The following ATP6V1A variants were observed in gnomAD, a reference collection of about 807,000 sequenced individuals.
ATP6V1A encodes the protein V-type proton ATPase catalytic subunit A.
In ATP6V1A, 18 loss-of-function variants were observed where a neutral mutation model predicts 70.1. The observed-to-expected ratio is 0.26, with a 90% CI of 0.18 to 0.38. ATP6V1A has a LOEUF of 0.38. ATP6V1A is among the 10% of genes least tolerant of loss of function. The probability of loss-of-function intolerance (pLI) is 1.00; values close to 1 mark genes in which losing one functional copy is unlikely to be tolerated. For synonymous variants in ATP6V1A, 232 were observed against 253.8 expected, an observed-to-expected ratio of 0.91 and a Z score of 0.82; for missense variants, 424 against 772.4, an observed-to-expected ratio of 0.55 and a Z score of 5.35.
chr3:113,775,485 C>T (rs187516166), intron 1 of ATP6V1A, among the ~76,000 whole-genome samples: 7 of 152,008 alleles, frequency 4.6e-5, no homozygotes, highest in African/African-American at 7.3e-5. Flanking sequence ...CCACCTCGGC[C>T]CCCCCAAGTG....
rs749842334 is a variant in ATP6V1A at position 113,798,318 on chromosome 3, A to G, written c.1366A>G (p.Lys456Glu). Residue 456 changes from lysine (K) to glutamate (E), a missense_variant, in exon 12 of 15, where the codon AAG becomes GAG. Physicochemically the swap from Lys to Glu is moderately conservative, Grantham distance 56 (BLOSUM62 1). Coordinates refer to ENST00000273398, the MANE Select transcript of ATP6V1A (RefSeq NM_001690.4). ...TGTCAATTGGCTCATCAGCTACAGC[A>G]AGTATATGCGTGCCTTGGATGAATA... ...PSVNWLISYSKYMRALDEYYD... is the reference protein window; with the variant it reads ...PSVNWLISYSEYMRALDEYYD... 1 of 1,614,044 alleles carries G rather than the reference A, an allele frequency of 6.2e-7. No homozygotes were observed. The highest frequency in any genetic ancestry group is 2.2e-5 in the East Asian group (1 of 44,876).
chr3:113,747,926 A>T (rs1228758576), intron 1 of ATP6V1A, among the ~76,000 whole-genome samples: 1 of 152,160 alleles, frequency 6.6e-6, no homozygotes, highest in Non-Finnish European at 1.5e-5. Context: ...ATTGGGTTGG[A>T]AATAGTTAAA....
chr3:113,803,975 C>A lies in ATP6V1A; in HGVS notation c.1589+298C>A, dbSNP rs142982661. On this transcript the variant is annotated intron_variant, in intron 13 of 14. Coordinates refer to ENST00000273398, the MANE Select transcript of ATP6V1A (RefSeq NM_001690.4). ...CTTCAGAAGCCTTCTTCATTTCTTTCCACTGCCCATGTCTCCTTTACTCTC... is the reference window on the plus strand; with the variant it reads ...CTTCAGAAGCCTTCTTCATTTCTTTACACTGCCCATGTCTCCTTTACTCTC... 1.8e-3 allele frequency among the ~76,000 whole-genome samples: 268 copies of A among 152,206 alleles called. 1 individual carries two copies. The highest frequency in any genetic ancestry group is 6.3e-3 in the African/African-American group (263 of 41,538).
In ATP6V1A at chr3:113,788,595, T is replaced by C. The variant is rs540992187; in HGVS notation, c.717-118T>C. 5 of 858,694 alleles carry C rather than the reference T, an allele frequency of 5.8e-6. No individual in the cohort carries two copies. The African/African-American group carries it at 8.7e-5, about 15-fold the overall frequency. 53.2% of individuals were successfully genotyped at this position (858,694 alleles called of 1,614,324 possible). A position where few individuals can be genotyped will look rare whatever the true frequency, so the allele number is the denominator to read the frequency against. Reference sequence around the variant, plus strand: ...TCCTCACTTCAGATGATCCACCCGCTTCGGCCCCCACAAGTGCTGCTGGGA... The same window carrying C: ...TCCTCACTTCAGATGATCCACCCGCCTCGGCCCCCACAAGTGCTGCTGGGA... On this transcript the variant is annotated intron_variant, in intron 6 of 14. Coordinates refer to ENST00000273398, the MANE Select transcript of ATP6V1A (RefSeq NM_001690.4).
At chr3:113,795,854 A>T in intron 10 of ATP6V1A, 22 bp from the exon 11 acceptor site, 3 of 1,586,194 alleles carry the variant, frequency 1.9e-6, no homozygotes, top group African/African-American at 1.4e-5. Flanking sequence ...TTTTGTAATG[A>T]CCATATTTTT....
chr3:113,754,250 A>G (rs1708622433), intron 1 of ATP6V1A, among the ~76,000 whole-genome samples: 1 of 152,202 alleles, frequency 6.6e-6, no homozygotes, highest in Non-Finnish European at 1.5e-5. Flanking sequence ...CAGGCTGGGC[A>G]TGGTGGCTCA....
chr3:113,780,050 A>G lies in ATP6V1A; in HGVS notation c.83-1000A>G, dbSNP rs183080607. Among the ~76,000 whole-genome samples the G allele has an allele frequency of 2.9e-4, 44 of 152,242 alleles. No homozygotes were observed. The East Asian group carries it at 5.0e-3, about 17-fold the overall frequency. On this transcript the variant is annotated intron_variant, in intron 2 of 14. Transcript: ENST00000273398. ...CTCCTGCAATTTTTAATTCTTAAGT[A>G]CTTAATAAGGTAATGGAACAATGGC... is the stretch of plus-strand genomic sequence containing the variant.
intron 1 of ATP6V1A, among the ~76,000 whole-genome samples, chr3:113,755,367 GC>G (rs915909403): frequency 2.7e-5 from 4 of 150,904 alleles, no homozygotes; most frequent in Non-Finnish European, 5.9e-5. Context: ...ACTTTGGGAG[GC>G]CGATGCAGGC....
chr3:113,778,500 G>A (rs183961106), intron 1 of ATP6V1A, among the ~76,000 whole-genome samples: 4 of 152,292 alleles, frequency 2.6e-5, no homozygotes, highest in South Asian at 2.1e-4. Flanking sequence ...TAGAGTCCAG[G>A]AGTCTGAGGC....
At chr3:113,788,343 A>AT (rs1191671250) in intron 6 of ATP6V1A, among the ~76,000 whole-genome samples, 1 of 146,446 alleles carries the variant, frequency 6.8e-6, no homozygotes, top group East Asian at 2.0e-4. Flanking sequence ...ATTTATTTTT[A>AT]TTTTTTTTGA....
At chr3:113,750,502 CA>C (rs1247843460) in intron 1 of ATP6V1A, among the ~76,000 whole-genome samples, 1 of 151,558 alleles carries the variant, frequency 6.6e-6, no homozygotes, top group Non-Finnish European at 1.5e-5. Context: ...AAAACAAAAA[CA>C]AAAAAAACTA....
At position 113,786,328 on chromosome 3, in the gene ATP6V1A, C is replaced by T. The variant is rs751512215; in HGVS notation, c.661C>T (p.Leu221=). 1 of 1,613,770 alleles carries T rather than the reference C, an allele frequency of 6.2e-7. No individual in the cohort carries two copies. The highest frequency in any genetic ancestry group is 8.5e-7 in the Non-Finnish European group (1 of 1,179,796). Reference sequence around the variant, plus strand: ...TCAAGTTCGACCTGTCACTGAGAAGCTGCCAGCCAATCATCCTCTGTTGAC... The same window carrying T: ...TCAAGTTCGACCTGTCACTGAGAAGTTGCCAGCCAATCATCCTCTGTTGAC... ...VRQVRPVTEK[L]PANHPLLTGQ... The change falls in exon 6 of 15, where the codon CTG becomes TTG. Residue 221 remains leucine (L), a synonymous_variant. Transcript: ENST00000273398.
chr3:113,750,978 A>C (rs947890134), intron 1 of ATP6V1A, among the ~76,000 whole-genome samples: 8 of 152,182 alleles, frequency 5.3e-5, no homozygotes, highest in Non-Finnish European at 1.0e-4. Flanking sequence ...AAAGTCCCTT[A>C]TTTGGGCAAC....
chr3:113,766,027 TC>T (rs1330044322), intron 1 of ATP6V1A, among the ~76,000 whole-genome samples: 1 of 152,198 alleles, frequency 6.6e-6, no homozygotes, highest in Non-Finnish European at 1.5e-5. Flanking sequence ...CACCTTTTTT[TC>T]ATCTTCTCCC....
intron 9 of ATP6V1A, 28 bp downstream of exon 9, chr3:113,795,022 A>T: frequency 6.2e-7 from 1 of 1,613,420 alleles, no homozygotes; most frequent in Non-Finnish European, 8.5e-7. Flanking sequence ...TTATCATGTA[A>T]ACAAGACTGA....
intron 1 of ATP6V1A, among the ~76,000 whole-genome samples, chr3:113,751,686 T>C (rs557091476): frequency 1.3e-5 from 2 of 151,174 alleles, no homozygotes; most frequent in South Asian, 4.2e-4. Flanking sequence ...ATACATATTA[T>C]GTATATACTA....
At chr3:113,780,203 A>G (rs925285901) in intron 2 of ATP6V1A, among the ~76,000 whole-genome samples, 1 of 152,242 alleles carries the variant, frequency 6.6e-6, no homozygotes, top group Non-Finnish European at 1.5e-5. Context: ...CATTGTTTTT[A>G]CACAGGTTAA....
intron 13 of ATP6V1A, among the ~76,000 whole-genome samples, chr3:113,804,907 G>T (rs1709258418): frequency 6.6e-6 from 1 of 152,196 alleles, no homozygotes; most frequent in Admixed American, 6.5e-5. Context: ...TCAGGAACTT[G>T]CAGTTTCCTG....
rs1709139883 is a variant in ATP6V1A, at chr3:113,795,141, G to A, written c.1163G>A (p.Arg388Gln). Residue 388 changes from arginine (R) to glutamine (Q), a missense_variant, in exon 10 of 15, where the codon CGA (arginine) becomes CAA (glutamine). Physicochemically the swap from Arg to Gln is conservative, Grantham distance 43. Transcript: ENST00000273398. ...LGARLASFYE[R>Q]AGRVKCLGNP... is the part of the protein sequence containing the mutation. ...GCCCGTCTGGCCTCGTTTTATGAAC[G>A]AGCAGGCAGGGTGAAATGTCTTGGA... The A allele has an allele frequency of 1.9e-6, 3 of 1,614,126 alleles. No individual in the cohort carries two copies. Among genetic ancestry groups the A allele is most frequent in the Non-Finnish European group, 2.5e-6 (3 of 1,180,000 alleles).
Sources: allele counts gnomAD v4.1 joint callset (sites outside exome capture counted in the v4.1 genomes callset), GRCh38; gene constraint gnomAD v4.1.1; transcripts MANE v1.5; gene names NCBI Gene and HGNC (gene_info 2026-07-23, HGNC 2026-07-21).